Variants in PDZRN4 observed in about 807,000 individuals in gnomAD.
PDZRN4 encodes PDZ domain containing ring finger 4, also known as PDZ domain-containing RING finger protein 4.
In PDZRN4, 70 loss-of-function variants were observed where a neutral mutation model predicts 99.0. That is an observed-to-expected ratio of 0.71 (90% CI 0.58 to 0.86). PDZRN4 has a LOEUF of 0.86. Ranked by LOEUF, PDZRN4 falls within the 40% of genes least tolerant of loss-of-function variation. PDZRN4 has a pLI of 0.00. For synonymous variants in PDZRN4, 551 were observed against 501.6 expected, an observed-to-expected ratio of 1.10 and a Z score of -1.32; for missense variants, 1,474 against 1,331.2, an observed-to-expected ratio of 1.11 and a Z score of -1.67.
At chr12:41,227,772 G>A (rs1951003823) in intron 3 of PDZRN4, among the ~76,000 whole-genome samples, 1 of 151,692 alleles carries the variant, frequency 6.6e-6, no homozygotes, top group Non-Finnish European at 1.5e-5. Context: ...ATGAACCACA[G>A]CCTACTTCTC....
At chr12:41,471,762 G>A (rs2897270) in intron 3 of PDZRN4, among the ~76,000 whole-genome samples, 9,706 of 150,866 alleles carry the variant, frequency 0.064, 751 homozygotes, top group East Asian at 0.18. Flanking sequence ...AACATAAATC[G>A]TTGAAAAATA....
At chr12:41,564,071 T>C (rs896783393) in intron 8 of PDZRN4, among the ~76,000 whole-genome samples, 3 of 151,992 alleles carry the variant, frequency 2.0e-5, no homozygotes, top group African/African-American at 4.8e-5. Context: ...GGATCCTTGC[T>C]TTAAGTTTCC....
intron 3 of PDZRN4, among the ~76,000 whole-genome samples, chr12:41,448,547 A>G (rs565400462): frequency 2.0e-5 from 3 of 152,270 alleles, no homozygotes; most frequent in African/African-American, 7.2e-5. Context: ...CTACCATCCC[A>G]TGCAGTGTAT....
intron 3 of PDZRN4, among the ~76,000 whole-genome samples, chr12:41,296,291 A>G (rs998152087): frequency 1.3e-5 from 2 of 152,206 alleles, no homozygotes; most frequent in African/African-American, 4.8e-5. Context: ...GACAAAGCAC[A>G]ATCAAAGCAA....
chr12:41,395,445 G>C (rs991090355), intron 3 of PDZRN4, among the ~76,000 whole-genome samples: 2 of 152,050 alleles, frequency 1.3e-5, no homozygotes, highest in Non-Finnish European at 2.9e-5. Flanking sequence ...TTCATCTTCT[G>C]GGCTTGAAAT....
At chr12:41,250,570 C>T (rs1398161945) in intron 3 of PDZRN4, among the ~76,000 whole-genome samples, 1 of 152,188 alleles carries the variant, frequency 6.6e-6, no homozygotes, top group Non-Finnish European at 1.5e-5. Context: ...CATGCCAATG[C>T]TATCTTTTTT....
At chr12:41,249,524 G>A (rs1255247064) in intron 3 of PDZRN4, among the ~76,000 whole-genome samples, 1 of 152,150 alleles carries the variant, frequency 6.6e-6, no homozygotes, top group Non-Finnish European at 1.5e-5. Context: ...TGGGGAAGAA[G>A]GTACCTGAAT....
intron 3 of PDZRN4, among the ~76,000 whole-genome samples, chr12:41,312,709 A>G (rs1314833161): frequency 2.0e-5 from 3 of 152,052 alleles, no homozygotes; most frequent in African/African-American, 7.2e-5. Flanking sequence ...CTAGAACAGC[A>G]TGGGAAAGTC....
chr12:41,514,868 G>A (rs1938373941), intron 5 of PDZRN4, among the ~76,000 whole-genome samples: 1 of 152,048 alleles, frequency 6.6e-6, no homozygotes, highest in African/African-American at 2.4e-5. Context: ...AGGGCAAAGA[G>A]GGTGAAAAAT....
At chr12:41,421,365 G>C (rs1952488687) in intron 3 of PDZRN4, among the ~76,000 whole-genome samples, 1 of 151,988 alleles carries the variant, frequency 6.6e-6, no homozygotes, top group Admixed American at 6.6e-5. Flanking sequence ...GTTGATTTTT[G>C]TATTTTAAGT....
At chr12:41,293,257 G>A (rs1020267261) in intron 3 of PDZRN4, among the ~76,000 whole-genome samples, 4 of 145,404 alleles carry the variant, frequency 2.8e-5, no homozygotes, top group African/African-American at 5.1e-5. Flanking sequence ...TAGAGGACAC[G>A]TAATTAATTG....
At chr12:41,501,561 C>G (rs1249490981) in intron 3 of PDZRN4, among the ~76,000 whole-genome samples, 1 of 152,154 alleles carries the variant, frequency 6.6e-6, no homozygotes, top group Admixed American at 6.6e-5. Context: ...CTTTACCTAA[C>G]ATTCGCAAGT....
chr12:41,254,052 TG>T (rs1591986274), intron 3 of PDZRN4, among the ~76,000 whole-genome samples: 1 of 151,954 alleles, frequency 6.6e-6, no homozygotes, highest in East Asian at 1.9e-4. Flanking sequence ...TGTGTGTGTG[TG>T]TGTTTGCGTG....
At chr12:41,353,193 T>C (rs1316656150) in intron 3 of PDZRN4, among the ~76,000 whole-genome samples, 1 of 152,134 alleles carries the variant, frequency 6.6e-6, no homozygotes, top group African/African-American at 2.4e-5. Context: ...TAGGATTTTT[T>C]TTCTTGCAAT....
intron 5 of PDZRN4, among the ~76,000 whole-genome samples, chr12:41,518,482 A>G (rs1327420660): frequency 6.6e-6 from 1 of 152,062 alleles, no homozygotes. Flanking sequence ...TGCTTTATGC[A>G]TAAGTCTTTG....
Position 41,227,440 on chromosome 12 carries a change from G to A in PDZRN4, c.843+33252G>A, listed in dbSNP as rs1478437553. On this transcript the variant is annotated intron_variant, in intron 3 of 9. Coordinates refer to ENST00000402685, the MANE Select transcript of PDZRN4 (RefSeq NM_001164595.2). ...AGCACTTTGGAAAGCCGAGGTGGGA[G>A]GATCACTTGAGCCCAGGAGTTCAAA... Among the ~76,000 whole-genome samples the A allele has an allele frequency of 2.6e-5, 4 of 152,090 alleles. No individual in the cohort carries two copies. The East Asian group carries it at 5.8e-4, about 22-fold the overall frequency.
chr12:41,395,178 C>T (rs1952238037), intron 3 of PDZRN4, among the ~76,000 whole-genome samples: 1 of 152,160 alleles, frequency 6.6e-6, no homozygotes. Context: ...TGAGTCTCTT[C>T]TGCTATAGAT....
At chr12:41,532,121 C>T (rs1170129622) in intron 5 of PDZRN4, among the ~76,000 whole-genome samples, 2 of 151,856 alleles carry the variant, frequency 1.3e-5, no homozygotes. Context: ...GAATTTGGGG[C>T]CTAAATTTAT....
intron 3 of PDZRN4, among the ~76,000 whole-genome samples, chr12:41,434,842 A>G (rs931655526): frequency 4.6e-5 from 7 of 152,182 alleles, no homozygotes; most frequent in Admixed American, 2.6e-4. Context: ...ATTGCCCAAG[A>G]CAGATAATAT....
Sources: allele counts gnomAD v4.1 joint callset (sites outside exome capture counted in the v4.1 genomes callset), GRCh38; gene constraint gnomAD v4.1.1; transcripts MANE v1.5; gene names NCBI Gene and HGNC (gene_info 2026-07-23, HGNC 2026-07-21).